ARHGAP32: variants seen among roughly 807,000 people sequenced by gnomAD.
ARHGAP32 encodes the protein Rho GTPase activating protein 32, also known as rho GTPase-activating protein 32.
In ARHGAP32, 51 loss-of-function variants were observed where a neutral mutation model predicts 186.5. The observed-to-expected ratio is 0.27, with a 90% CI of 0.22 to 0.35. The LOEUF (loss-of-function observed/expected upper bound fraction) is 0.35. Ranked by LOEUF, ARHGAP32 falls within the 10% of genes least tolerant of loss-of-function variation. The probability of loss-of-function intolerance (pLI) is 1.00; values close to 1 mark genes in which losing one functional copy is unlikely to be tolerated. For missense variants in ARHGAP32, 2,186 were observed against 2,623.5 expected, an observed-to-expected ratio of 0.83 and a Z score of 3.64; for synonymous variants, 950 against 964.3, an observed-to-expected ratio of 0.99 and a Z score of 0.27.
At chr11:129,103,481 A>G (rs1941960112) in intron 5 of ARHGAP32, among the ~76,000 whole-genome samples, 2 of 152,124 alleles carry the variant, frequency 1.3e-5, no homozygotes, top group Admixed American at 1.3e-4. Context: ...ATGAAGCAGA[A>G]TATCTCAGGA....
chr11:129,245,895 C>T (rs191919231), intron 1 of ARHGAP32, among the ~76,000 whole-genome samples: 1 of 151,912 alleles, frequency 6.6e-6, no homozygotes, highest in South Asian at 2.1e-4. Flanking sequence ...AGCTACTATG[C>T]CTAAATAATT....
chr11:129,046,869 A>T (rs928739235), intron 10 of ARHGAP32, among the ~76,000 whole-genome samples: 28 of 152,194 alleles, frequency 1.8e-4, no homozygotes, highest in African/African-American at 6.3e-4. Flanking sequence ...TCACGCCTGT[A>T]ATCCCAGCAC....
At chr11:129,260,115 T>C (rs3900629) in intron 1 of ARHGAP32, among the ~76,000 whole-genome samples, 47,020 of 151,992 alleles carry the variant, frequency 0.31, 7,616 homozygotes, top group Middle Eastern at 0.4. Flanking sequence ...AACTCACTGA[T>C]TGAACTTTTA....
At chr11:129,014,600 A>C (rs1465139069) in intron 11 of ARHGAP32, among the ~76,000 whole-genome samples, 1 of 152,212 alleles carries the variant, frequency 6.6e-6, no homozygotes, top group Admixed American at 6.6e-5. Flanking sequence ...AAAGGTAAAA[A>C]ATTCACAACG....
At chr11:129,211,200 AC>A (rs1944574981) in intron 1 of ARHGAP32, among the ~76,000 whole-genome samples, 1 of 152,192 alleles carries the variant, frequency 6.6e-6, no homozygotes, top group Admixed American at 6.6e-5. Context: ...TTTTTAACTA[AC>A]TGTTTTACTA....
At chr11:129,189,051 C>G (rs1944222530) in intron 1 of ARHGAP32, among the ~76,000 whole-genome samples, 1 of 152,108 alleles carries the variant, frequency 6.6e-6, no homozygotes, top group East Asian at 1.9e-4. Flanking sequence ...TTATTGTGTT[C>G]ATTACTTCAT....
chr11:128,971,270 T>A (rs1945363259), intron 22 of ARHGAP32, 111 bp from the exon 23 acceptor site: 3 of 888,744 alleles, frequency 3.4e-6, no homozygotes, highest in Non-Finnish European at 5.0e-6. Flanking sequence ...GCTTGAACTT[T>A]CCCAAGCCAT....
At chr11:129,008,094 G>A (rs889845470) in intron 11 of ARHGAP32, among the ~76,000 whole-genome samples, 5 of 152,162 alleles carry the variant, frequency 3.3e-5, no homozygotes, top group African/African-American at 9.7e-5. Context: ...ACTACCAGGG[G>A]ATGGGGGAGG....
At chr11:129,249,939 G>A (rs1317658107) in intron 1 of ARHGAP32, among the ~76,000 whole-genome samples, 1 of 152,002 alleles carries the variant, frequency 6.6e-6, no homozygotes, top group African/African-American at 2.4e-5. Flanking sequence ...GAGGCAGGGC[G>A]TGGTGGCTCA....
chr11:129,131,183 C>T (rs748136705), intron 2 of ARHGAP32, among the ~76,000 whole-genome samples: 78 of 151,746 alleles, frequency 5.1e-4, no homozygotes, highest in Non-Finnish European at 1.0e-3. Flanking sequence ...ACGAAAAAAC[C>T]TTACCAAGAA....
upstream of ARHGAP32, among the ~76,000 whole-genome samples, chr11:129,193,581 T>TAA (rs1944323956): frequency 1.8e-5 from 1 of 55,816 alleles, no homozygotes; most frequent in African/African-American, 8.2e-5. Context: ...TATATATATA[T>TAA]TATATAATAT....
intron 1 of ARHGAP32, among the ~76,000 whole-genome samples, chr11:129,169,852 A>G (rs907949162): frequency 2.6e-5 from 4 of 152,110 alleles, no homozygotes; most frequent in African/African-American, 4.8e-5. Context: ...TCTTTTAAAC[A>G]TACAAGCCAA....
intron 10 of ARHGAP32, among the ~76,000 whole-genome samples, chr11:129,060,388 AGAC>A (rs1940449319): frequency 6.9e-6 from 1 of 144,336 alleles, no homozygotes; most frequent in Admixed American, 6.9e-5. Context: ...TAGATAAGAT[AGAC>A]AGACAGACAG....
chr11:129,199,996 T>A (rs1944439167), intron 1 of ARHGAP32, among the ~76,000 whole-genome samples: 2 of 152,208 alleles, frequency 1.3e-5, no homozygotes, highest in Admixed American at 6.5e-5. Context: ...TTTGGAGCTT[T>A]AAGATTTGAC....
Position 129,066,762 on chromosome 11 carries a change from G to T in ARHGAP32, c.638C>A (p.Pro213His). The T allele has an allele frequency of 6.2e-7, 1 of 1,612,280 alleles. No homozygotes were observed. The highest frequency in any genetic ancestry group is 1.3e-5 in the African/African-American group (1 of 74,890). ...DRRFSQLSELPRSDTLKDSPE... is the reference protein window; with the variant it reads ...DRRFSQLSELHRSDTLKDSPE... ...ACTGTCCTTCAGGGTGTCAGAACGGGGAAGTTCTGAGAGCTGGGAAAATCT... is the reference window on the plus strand; with the variant it reads ...ACTGTCCTTCAGGGTGTCAGAACGGTGAAGTTCTGAGAGCTGGGAAAATCT... The change falls in exon 7 of 23, where the codon CCC becomes CAC. Residue 213 changes from proline to histidine, a missense_variant. Physicochemically the swap from Pro to His is moderately conservative, Grantham distance 77 (BLOSUM62 -2). Coordinates refer to ENST00000682385, the MANE Select transcript of ARHGAP32 (RefSeq NM_001378024.1).
chr11:129,027,030 C>T (rs559430473), intron 11 of ARHGAP32, among the ~76,000 whole-genome samples: 3 of 147,682 alleles, frequency 2.0e-5, no homozygotes, highest in Admixed American at 6.8e-5. Context: ...ACCCGGGAGG[C>T]GGAGCTTGCA....
chr11:128,980,505 A>G (rs1213181872), intron 18 of ARHGAP32, 48 bp downstream of exon 18: 1 of 1,430,492 alleles, frequency 7.0e-7, no homozygotes, highest in Non-Finnish European at 9.6e-7. Flanking sequence ...AAATAATAGG[A>G]CATAGCTATG....
At chr11:129,024,211 CCCCAG>C (rs1158592779) in intron 11 of ARHGAP32, 3 of 982,866 alleles carry the variant, frequency 3.1e-6, no homozygotes, top group Non-Finnish European at 3.6e-6. Context: ...CACAGAAACG[CCCCAG>C]CCTAAACTCA....
At chr11:129,108,002 T>C (rs1195351665) in intron 5 of ARHGAP32, among the ~76,000 whole-genome samples, 1 of 151,576 alleles carries the variant, frequency 6.6e-6, no homozygotes, top group Admixed American at 6.6e-5. Flanking sequence ...AGAACAGCCA[T>C]ATAAAATATA....
Sources: gnomAD v4.1 joint callset for allele counts (sites outside exome capture counted in the v4.1 genomes callset) on GRCh38, gnomAD v4.1.1 for gene constraint, MANE v1.5 for transcripts, NCBI Gene and HGNC (gene_info 2026-07-23, HGNC 2026-07-21) for gene names.